Variants in CTNNAL1 observed in about 807,000 individuals in gnomAD.
CTNNAL1 encodes the protein catenin alpha like 1.
A neutral mutation model predicts 93.6 loss-of-function variants in CTNNAL1; 69 were observed. The ratio of observed to expected loss-of-function variants is 0.74; its 90% confidence interval spans 0.61 to 0.90. CTNNAL1 has a LOEUF of 0.90. Among genes scored for constraint, CTNNAL1 ranks in the 40% least tolerant of loss-of-function variants. The probability of loss-of-function intolerance (pLI) is 0.00; values close to 1 mark genes in which losing one functional copy is unlikely to be tolerated. For synonymous variants in CTNNAL1, 286 were observed against 305.4 expected (o/e 0.94, Z 0.66); for missense variants, 836 against 862.0 (o/e 0.97, Z 0.38).
At chr9:108,999,342 G>A in intron 1 of CTNNAL1, 86 bp from the exon 2 acceptor site, 1 of 1,349,290 alleles carries the variant, frequency 7.4e-7, no homozygotes, top group South Asian at 1.5e-5. Context: ...ATGAAGCCTG[G>A]CATACTGTAT....
At chr9:108,943,123 G>C in intron 17 of CTNNAL1, 79 bp from the exon 18 acceptor site, 4 of 1,293,326 alleles carry the variant, frequency 3.1e-6, no homozygotes, top group Non-Finnish European at 4.3e-6. Context: ...GTTTTAACAT[G>C]ATAAAATTTC....
At position 108,999,152 on chromosome 9, in the gene CTNNAL1, A is replaced by G. The variant is rs1179886081; in HGVS notation, c.246T>C (p.Phe82=). 1 of 1,613,876 alleles carries G rather than the reference A, an allele frequency of 6.2e-7. No homozygotes were observed. The highest frequency in any genetic ancestry group is 8.5e-7 in the Non-Finnish European group (1 of 1,179,884). ...TGGCTATAGCTTCTCCTACTTTAAC[A>G]AATCTTCCAACTGCCAAGTTGACAG... ...GQAVNLAVGR[F]VKVGEAIANE... is the part of the protein sequence containing the mutation. The change falls in exon 2 of 19, where the codon TTT becomes TTC. Residue 82 remains phenylalanine (F), a synonymous_variant. Coordinates refer to ENST00000325551, the MANE Select transcript of CTNNAL1 (RefSeq NM_003798.4).
chr9:109,012,649 C>T (rs953772491), intron 1 of CTNNAL1, among the ~76,000 whole-genome samples: 1 of 152,252 alleles, frequency 6.6e-6, no homozygotes, highest in East Asian at 1.9e-4. Flanking sequence ...TCTGGATTAA[C>T]TGTCATACAG....
chr9:108,965,381 G>C lies in CTNNAL1; in HGVS notation c.1588C>G (p.Arg530Gly). The stretch of plus-strand genomic sequence containing the variant: ...CATTATGTGGACAGTTTCTCACCTC[G>C]TCTTCCTTCAAACACGTCATTGATT... ...REINDVFEGRRGEKYGYLSLP... is the reference protein window; with the variant it reads ...REINDVFEGRGGEKYGYLSLP... Residue 530 changes from arginine to glycine, a missense_variant, in exon 11 of 19, where the codon CGA (arginine) becomes GGA (glycine). By Grantham distance (125) the Arg-to-Gly change is moderately radical. Coordinates refer to ENST00000325551, the MANE Select transcript of CTNNAL1 (RefSeq NM_003798.4). 1.4e-6 allele frequency: 2 copies of C among 1,453,694 alleles called. No homozygotes were observed. Among genetic ancestry groups the C allele is most frequent in the Non-Finnish European group, 1.8e-6 (2 of 1,093,902 alleles). The allele number at this position is 1,453,694 out of a possible 1,614,324, so 90.0% of individuals were successfully genotyped here.
intron 4 of CTNNAL1, 105 bp downstream of exon 4, chr9:108,990,621 T>A: frequency 7.2e-7 from 1 of 1,393,534 alleles, no homozygotes. Flanking sequence ...GGCTATAGAC[T>A]TAATAAGCAA....
In CTNNAL1 at chr9:108,952,348, C is replaced by A; in HGVS notation, c.1696G>T (p.Ala566Ser). The A allele has an allele frequency of 6.2e-7, 1 of 1,614,146 alleles. No individual in the cohort carries two copies. Among genetic ancestry groups the A allele is most frequent in the South Asian group, 1.1e-5 (1 of 91,070 alleles). Reference protein sequence around the residue: ...KPDSEEQAKIAKLGLKLGLLT... With the variant: ...KPDSEEQAKISKLGLKLGLLT... ...AAACCCAGCTTAAGTCCAAGCTTTGCTATCTTGGCTTGCTCCTATGAAACA... is the reference window on the plus strand; with the variant it reads ...AAACCCAGCTTAAGTCCAAGCTTTGATATCTTGGCTTGCTCCTATGAAACA... Residue 566 changes from alanine (A) to serine (S), a missense_variant, in exon 14 of 19, where the codon GCA (alanine) becomes TCA (serine). Transcript: ENST00000325551.
At chr9:109,009,914 G>C (rs1306928089) in intron 1 of CTNNAL1, among the ~76,000 whole-genome samples, 1 of 152,168 alleles carries the variant, frequency 6.6e-6, no homozygotes, top group Non-Finnish European at 1.5e-5. Flanking sequence ...TATACATAGA[G>C]ATAGAGCTCT....
chr9:109,006,427 C>T (rs186548187), intron 1 of CTNNAL1, among the ~76,000 whole-genome samples: 4 of 152,218 alleles, frequency 2.6e-5, no homozygotes, highest in African/African-American at 7.2e-5. Flanking sequence ...GGTCACAAAG[C>T]CAGGGGAGCT....
intron 14 of CTNNAL1, among the ~76,000 whole-genome samples, chr9:108,951,602 A>G (rs1830567374): frequency 6.6e-6 from 1 of 152,232 alleles, no homozygotes; most frequent in Admixed American, 6.5e-5. Flanking sequence ...ACTGATTTTA[A>G]CTAAGCAGAA....
Position 108,990,602 on chromosome 9 carries a change from C to T in CTNNAL1, c.639+124G>A, listed in dbSNP as rs574546724. 1,397 of 1,226,972 alleles carry T rather than the reference C, an allele frequency of 1.1e-3. 26 individuals carry two copies. In the South Asian group the frequency reaches 0.023, roughly 20 times the overall value. 76.0% of individuals were successfully genotyped at this position (1,226,972 alleles called of 1,614,324 possible). ...TCCTGGCTTATCTATGAAAGGCTTT[C>T]AAGACCAAGGCTATAGACTTAATAA... On this transcript the variant is annotated intron_variant, in intron 4 of 18. Transcript: ENST00000325551.
chr9:108,993,351 G>A (rs1314391871), intron 2 of CTNNAL1, among the ~76,000 whole-genome samples: 1 of 152,148 alleles, frequency 6.6e-6, no homozygotes, highest in East Asian at 1.9e-4. Context: ...TCAATATAAT[G>A]GGGGCCCGGA....
chr9:109,000,730 T>C (rs72607158), intron 1 of CTNNAL1, among the ~76,000 whole-genome samples: 32,753 of 148,146 alleles, frequency 0.22, 4,407 homozygotes, highest in Admixed American at 0.3. Context: ...CCCTTAGGAA[T>C]GAGCCTCTCC....
intron 4 of CTNNAL1, among the ~76,000 whole-genome samples, chr9:108,985,343 T>C (rs1463098146): frequency 6.6e-6 from 1 of 152,244 alleles, no homozygotes; most frequent in East Asian, 1.9e-4. Flanking sequence ...TGTATGGACA[T>C]TGAAATTTGA....
rs1398731672 is a variant in CTNNAL1, at chr9:108,942,764, G to T, written c.*5C>A. The T allele has an allele frequency of 6.3e-7, 1 of 1,587,030 alleles. No homozygotes were observed. Among genetic ancestry groups the T allele is most frequent in the Admixed American group, 1.7e-5 (1 of 59,572 alleles). On this transcript the variant is annotated 3_prime_UTR_variant, in exon 19 of 19. Transcript: ENST00000325551. ...ATGTTCCAGAGATCTGACCCCAAAA[G>T]CTTCTCAAGTTTTACTATCCATAGT... is the stretch of plus-strand genomic sequence containing the variant.
chr9:109,002,790 C>T (rs1193988188), intron 1 of CTNNAL1, among the ~76,000 whole-genome samples: 1 of 151,314 alleles, frequency 6.6e-6, no homozygotes, highest in African/African-American at 2.4e-5. Flanking sequence ...TCGAGACCAG[C>T]CTGACCAACA....
chr9:109,011,319 G>A lies in CTNNAL1; in HGVS notation c.141+1983C>T, dbSNP rs118125572. Reference sequence around the variant, plus strand: ...AGATGTAGCTGTAGATACACAATGTGTGGGATGCAAAACCTCAGCTGTGAC... The same window carrying A: ...AGATGTAGCTGTAGATACACAATGTATGGGATGCAAAACCTCAGCTGTGAC... On this transcript the variant is annotated intron_variant, in intron 1 of 18. Transcript: ENST00000325551. 9.5e-4 allele frequency among the ~76,000 whole-genome samples: 144 copies of A among 151,930 alleles called. 1 individual carries two copies. The East Asian group carries it at 0.015, about 16-fold the overall frequency.
intron 4 of CTNNAL1, among the ~76,000 whole-genome samples, chr9:108,989,040 C>T (rs1036141077): frequency 2.0e-5 from 3 of 152,134 alleles, no homozygotes; most frequent in African/African-American, 7.2e-5. Flanking sequence ...ATTTAATGAG[C>T]TAAATTGCTA....
chr9:108,987,677 C>G (rs1041200234), intron 4 of CTNNAL1, among the ~76,000 whole-genome samples: 6 of 152,178 alleles, frequency 3.9e-5, no homozygotes, highest in African/African-American at 1.4e-4. Context: ...AATGTTCTTC[C>G]ATTTGTTTGT....
At chr9:108,950,411 G>A (rs1270279566) in intron 14 of CTNNAL1, 41 of 1,306,566 alleles carry the variant, frequency 3.1e-5, no homozygotes, top group African/African-American at 5.9e-5. Flanking sequence ...CAAAGGAATG[G>A]TCTCCAATGA....
Sources: allele counts gnomAD v4.1 joint callset (sites outside exome capture counted in the v4.1 genomes callset), GRCh38; gene constraint gnomAD v4.1.1; transcripts MANE v1.5; gene names NCBI Gene and HGNC (gene_info 2026-07-23, HGNC 2026-07-21).